Variants in DTWD1 observed in about 807,000 individuals in gnomAD.
DTWD1 encodes DTW motif tRNA-uridine aminocarboxypropyltransferase 1.
DTWD1 carries 27 observed loss-of-function variants against 30.2 expected under a neutral mutation model. The observed-to-expected ratio is 0.90, with a 90% CI of 0.66 to 1.23. The LOEUF is 1.23. Ranked by LOEUF, DTWD1 falls within the 50% of genes most tolerant of loss-of-function variation. The pLI, the probability that DTWD1 is intolerant of heterozygous loss-of-function variation, is 0.00. For missense variants in DTWD1, 342 were observed against 348.8 expected, an observed-to-expected ratio of 0.98 and a Z score of 0.15; for synonymous variants, 99 against 113.1, an observed-to-expected ratio of 0.88 and a Z score of 0.79.
In DTWD1 at chr15:49,656,155, A is replaced by G. The variant is rs1397294140; in HGVS notation, c.*12577A>G. On this transcript the variant is annotated 3_prime_UTR_variant, in exon 5 of 5. Transcript: ENST00000403028. The stretch of plus-strand genomic sequence containing the variant: ...TAACTGTTAGCTCAAGAAATACTTT[A>G]TGTTTGTCCTATATGAAAGTGTTGA... 6.6e-6 allele frequency: 1 copy of G among 152,094 alleles called. No individual in the cohort carries two copies. Among genetic ancestry groups the G allele is most frequent in the Non-Finnish European group, 1.5e-5 (1 of 67,968 alleles). The allele number at this position is 152,094 out of a possible 1,614,324, so 9.4% of individuals were successfully genotyped here. A position where few individuals can be genotyped will look rare whatever the true frequency, so the allele number is the denominator to read the frequency against.
intron 2 of DTWD1, chr15:49,625,642 G>C: frequency 1.9e-6 from 1 of 523,610 alleles, no homozygotes; most frequent in Middle Eastern, 5.1e-4. Context: ...CTGATCGCAA[G>C]AGCACACCGA....
At chr15:49,624,538 T>A (rs1038175222) in intron 1 of DTWD1, among the ~76,000 whole-genome samples, 3 of 152,228 alleles carry the variant, frequency 2.0e-5, no homozygotes, top group Non-Finnish European at 4.4e-5. Context: ...TGTAAATTTT[T>A]AAAATTTATA....
At chr15:49,631,208 T>C in intron 2 of DTWD1, 1 of 164,054 alleles carries the variant, frequency 6.1e-6, no homozygotes. Context: ...CCAGTCCTTC[T>C]TGGTGCCAGA....
chr15:49,635,043 C>CT (rs1415253605), intron 4 of DTWD1, among the ~76,000 whole-genome samples: 2 of 151,788 alleles, frequency 1.3e-5, no homozygotes, highest in South Asian at 4.2e-4. Context: ...GTACATTTTC[C>CT]TTTTTTTTCT....
chr15:49,625,648 A>G (rs1490034402), intron 2 of DTWD1: 3 of 508,948 alleles, frequency 5.9e-6, no homozygotes, highest in African/African-American at 5.9e-5. Context: ...GCAAGAGCAC[A>G]CCGAACAAAG....
At position 49,652,192 on chromosome 15, in the gene DTWD1, G is replaced by C. The variant is rs1018521736; in HGVS notation, c.*8614G>C. 6.6e-6 allele frequency: 1 copy of C among 151,970 alleles called. No homozygotes were observed. Among genetic ancestry groups the C allele is most frequent in the Non-Finnish European group, 1.5e-5 (1 of 67,996 alleles). 9.4% of individuals were successfully genotyped at this position (151,970 alleles called of 1,614,324 possible). ...CTGAACTCTGCAGTGAGAGGTCTTG[G>C]TCCCACAAGGGGACACAGTTTTGCT... On this transcript the variant is annotated 3_prime_UTR_variant, in exon 5 of 5. Coordinates refer to ENST00000403028, the MANE Select transcript of DTWD1 (RefSeq NM_001144955.2).
Position 49,649,382 on chromosome 15 carries a change from A to C in DTWD1, c.*5804A>C, listed in dbSNP as rs1173060534. On this transcript the variant is annotated 3_prime_UTR_variant, in exon 5 of 5. Coordinates refer to ENST00000403028, the MANE Select transcript of DTWD1 (RefSeq NM_001144955.2). Reference sequence around the variant, plus strand: ...TCTTGAGATAAAGATGCTTAGGAGAATACTGAAGATGTTTTCCAGTAAAAC... The same window carrying C: ...TCTTGAGATAAAGATGCTTAGGAGACTACTGAAGATGTTTTCCAGTAAAAC... The C allele has an allele frequency of 6.6e-6, 1 of 152,218 alleles. No individual in the cohort carries two copies. Among genetic ancestry groups the C allele is most frequent in the African/African-American group, 2.4e-5 (1 of 41,458 alleles). 9.4% of individuals were successfully genotyped at this position (152,218 alleles called of 1,614,324 possible).
chr15:49,631,990 T>C, intron 2 of DTWD1, 169 bp from the exon 3 acceptor site: 1 of 707,490 alleles, frequency 1.4e-6, no homozygotes. Context: ...GAAATTTGGG[T>C]TGGTTTTGTA....
rs900958401 is a variant in DTWD1 at position 49,636,103 on chromosome 15, CTT to C, written c.667+1312_667+1313del. Among the ~76,000 whole-genome samples, 3 of 152,114 alleles carry C rather than the reference CTT, an allele frequency of 2.0e-5. 1 individual carries two copies. Among genetic ancestry groups the C allele is most frequent in the African/African-American group, 7.2e-5 (3 of 41,416 alleles). On this transcript the variant is annotated intron_variant, in intron 4 of 4. Coordinates refer to ENST00000403028, the MANE Select transcript of DTWD1 (RefSeq NM_001144955.2). ...GAAATTGAATCATATAGTATGTACT[CTT>C]TTCCTTTTTTTGGTTTGGCTTTCTC... is the stretch of plus-strand genomic sequence containing the variant.
At chr15:49,640,681 A>G (rs1279513179) in intron 4 of DTWD1, among the ~76,000 whole-genome samples, 1 of 83,130 alleles carries the variant, frequency 1.2e-5, no homozygotes, top group Non-Finnish European at 2.4e-5. Context: ...CTAATTACTA[A>G]TAGGATTGAT....
rs971511477 is a variant in DTWD1 at position 49,650,750 on chromosome 15, A to G, written c.*7172A>G. ...CTCATTTATTACACTGTCAGGCAAA[A>G]CCTTCCTCAGAGCTCCCTCTATTAC... On this transcript the variant is annotated 3_prime_UTR_variant, in exon 5 of 5. Coordinates refer to ENST00000403028, the MANE Select transcript of DTWD1 (RefSeq NM_001144955.2). 6 of 152,008 alleles carry G rather than the reference A, an allele frequency of 3.9e-5. No individual in the cohort carries two copies. Among genetic ancestry groups the G allele is most frequent in the Non-Finnish European group, 8.8e-5 (6 of 68,026 alleles). The allele number at this position is 152,008 out of a possible 1,614,324, so 9.4% of individuals were successfully genotyped here.
At chr15:49,638,964 C>G (rs1381009057) in intron 4 of DTWD1, among the ~76,000 whole-genome samples, 1 of 152,076 alleles carries the variant, frequency 6.6e-6, no homozygotes, top group African/African-American at 2.4e-5. Context: ...GATGTGAGTC[C>G]AAATTATATT....
chr15:49,642,352 A>G (rs558647572), intron 4 of DTWD1, among the ~76,000 whole-genome samples: 1 of 152,306 alleles, frequency 6.6e-6, no homozygotes, highest in Admixed American at 6.5e-5. Flanking sequence ...CAGCTGAGTT[A>G]TAACAAATGA....
rs2079130256 is a variant in DTWD1, at chr15:49,647,879, A to G, written c.*4301A>G. The G allele has an allele frequency of 6.6e-6, 1 of 152,162 alleles. No individual in the cohort carries two copies. The highest frequency in any genetic ancestry group is 1.5e-5 in the Non-Finnish European group (1 of 68,022). The allele number at this position is 152,162 out of a possible 1,614,324, so 9.4% of individuals were successfully genotyped here. ...GAATAGGAGAGTGTGAAAAAGAACA[A>G]GCAATAAAAAAGATCTCAGAAATTT... On this transcript the variant is annotated 3_prime_UTR_variant, in exon 5 of 5. Coordinates refer to ENST00000403028, the MANE Select transcript of DTWD1 (RefSeq NM_001144955.2).
At chr15:49,634,847 A>G (rs558128685) in intron 4 of DTWD1, 53 bp downstream of exon 4, 104 of 1,481,422 alleles carry the variant, frequency 7.0e-5, no homozygotes, top group Non-Finnish European at 7.8e-5. Flanking sequence ...TATTTTGAAA[A>G]AACTTCAAAC....
intron 2 of DTWD1, 175 bp from the exon 3 acceptor site, chr15:49,631,984 T>A (rs1404806653): frequency 1.5e-6 from 1 of 672,464 alleles, no homozygotes; most frequent in East Asian, 2.9e-5. Context: ...AAGGAAGAAA[T>A]TTGGGTTGGT....
intron 2 of DTWD1, chr15:49,631,055 T>G (rs1045429501): frequency 4.2e-5 from 18 of 430,488 alleles, no homozygotes; most frequent in Non-Finnish European, 7.0e-5. Context: ...GATTTTACAT[T>G]ATGGTGAGTT....
chr15:49,642,954 G>A (rs2079082689), intron 4 of DTWD1, among the ~76,000 whole-genome samples: 1 of 151,922 alleles, frequency 6.6e-6, no homozygotes, highest in African/African-American at 2.4e-5. Flanking sequence ...GTTTGTCAAG[G>A]AAATGAAACC....
intron 3 of DTWD1, 31 bp from the exon 4 acceptor site, chr15:49,634,505 C>A: frequency 6.4e-7 from 1 of 1,567,416 alleles, no homozygotes; most frequent in Non-Finnish European, 8.6e-7. Flanking sequence ...ATCATAGTAG[C>A]ACACTGCTAA....
Sources: gnomAD v4.1 joint callset for allele counts (sites outside exome capture counted in the v4.1 genomes callset) on GRCh38, gnomAD v4.1.1 for gene constraint, MANE v1.5 for transcripts, NCBI Gene and HGNC (gene_info 2026-07-23, HGNC 2026-07-21) for gene names.